Variants in PLCE1 observed in about 807,000 individuals in gnomAD.
PLCE1 encodes 1-phosphatidylinositol 4,5-bisphosphate phosphodiesterase epsilon-1.
Under a neutral mutation model 242.8 loss-of-function variants are expected in PLCE1, and 119 were observed. That is an observed-to-expected ratio of 0.49 (90% CI 0.42 to 0.57). The LOEUF (loss-of-function observed/expected upper bound fraction) is 0.57. Ranked by LOEUF, PLCE1 falls within the 20% of genes least tolerant of loss-of-function variation. The pLI, the probability that PLCE1 is intolerant of heterozygous loss-of-function variation, is 0.00. For missense variants in PLCE1, 2,441 were observed against 2,788.8 expected, an observed-to-expected ratio of 0.88 and a Z score of 2.81; for synonymous variants, 945 against 1,017.4, an observed-to-expected ratio of 0.93 and a Z score of 1.35.
intron 1 of PLCE1, among the ~76,000 whole-genome samples, chr10:94,021,273 G>A (rs987562804): frequency 1.5e-4 from 16 of 107,266 alleles, no homozygotes; most frequent in Admixed American, 1.3e-3. Context: ...TTTAAATTTT[G>A]ATTAAGTTCA....
At chr10:94,156,223 C>G (rs556242321) in intron 3 of PLCE1, among the ~76,000 whole-genome samples, 1 of 152,260 alleles carries the variant, frequency 6.6e-6, no homozygotes, top group South Asian at 2.1e-4. Flanking sequence ...ACCAACTGGG[C>G]GTCTTATAAC....
At chr10:94,137,481 GAC>G (rs869230103) in intron 3 of PLCE1, among the ~76,000 whole-genome samples, 4 of 119,150 alleles carry the variant, frequency 3.4e-5, no homozygotes, top group East Asian at 2.2e-4. Context: ...ATAAAGTGAT[GAC>G]AAGAGGATTT....
At chr10:94,028,591 T>G (rs1467941719) in intron 1 of PLCE1, among the ~76,000 whole-genome samples, 1 of 152,118 alleles carries the variant, frequency 6.6e-6, no homozygotes, top group Non-Finnish European at 1.5e-5. Flanking sequence ...ATCAAAGAAT[T>G]TGTGGACATA....
chr10:94,281,369 G>C (rs1266742345), intron 20 of PLCE1, among the ~76,000 whole-genome samples: 1 of 152,042 alleles, frequency 6.6e-6, no homozygotes, highest in African/African-American at 2.4e-5. Context: ...TTATTATACT[G>C]TAGATTTCAC....
In PLCE1 at chr10:94,236,062, A is replaced by G. The variant is rs747879044; in HGVS notation, c.2362A>G (p.Ser788Gly). 24 of 1,614,018 alleles carry G rather than the reference A, an allele frequency of 1.5e-5. No individual in the cohort carries two copies. Among genetic ancestry groups the G allele is most frequent in the Admixed American group, 6.7e-5 (4 of 60,010 alleles). ...AAGTCTGGAGACAGACGAGGAGGAC[A>G]GCCCCAGTGAAGGAAACAGCTCCAG... Reference protein sequence around the residue: ...NRSLETDEEDSPSEGNSSRKS... With the variant: ...NRSLETDEEDGPSEGNSSRKS... Residue 788 changes from serine to glycine, a missense_variant, in exon 7 of 33, where the codon AGC becomes GGC. Ser to Gly is a moderately conservative substitution (Grantham distance 56). This residue lies in a region of PLCE1 where 733 missense variants were observed against 754.2 expected (regional missense o/e 0.97). Transcript: ENST00000371380.
intron 4 of PLCE1, among the ~76,000 whole-genome samples, chr10:94,205,151 C>A (rs2049116794): frequency 1.3e-5 from 2 of 152,206 alleles, no homozygotes; most frequent in African/African-American, 4.8e-5. Flanking sequence ...AGATTCCTTA[C>A]ACGTCCTTTA....
chr10:94,107,780 G>A (rs1431484648), intron 2 of PLCE1: 1 of 152,168 alleles, frequency 6.6e-6, no homozygotes, highest in East Asian at 1.9e-4. Context: ...GAGCAGAAGA[G>A]AGGACATTCA....
intron 4 of PLCE1, among the ~76,000 whole-genome samples, chr10:94,176,944 G>T (rs1055264568): frequency 1.3e-5 from 2 of 152,104 alleles, no homozygotes; most frequent in African/African-American, 4.8e-5. Flanking sequence ...AATAGAGGGG[G>T]AAGTTCATGG....
intron 1 of PLCE1, among the ~76,000 whole-genome samples, chr10:94,026,382 C>T (rs2061453267): frequency 1.3e-5 from 2 of 152,080 alleles, no homozygotes; most frequent in East Asian, 1.9e-4. Context: ...CCCACACAAC[C>T]TTTGACCTCT....
At chr10:94,144,717 G>T (rs1218993588) in intron 3 of PLCE1, among the ~76,000 whole-genome samples, 1 of 152,124 alleles carries the variant, frequency 6.6e-6, no homozygotes, top group South Asian at 2.1e-4. Flanking sequence ...TATGTGCAAA[G>T]GCCCAGTGGC....
intron 2 of PLCE1, among the ~76,000 whole-genome samples, chr10:94,124,762 T>A (rs2046393144): frequency 6.6e-6 from 1 of 152,220 alleles, no homozygotes; most frequent in Admixed American, 6.5e-5. Context: ...AATGATCAAT[T>A]TCATGAAAAA....
chr10:94,028,809 C>T (rs1051187525), intron 1 of PLCE1, among the ~76,000 whole-genome samples: 5 of 151,988 alleles, frequency 3.3e-5, no homozygotes, highest in African/African-American at 7.2e-5. Flanking sequence ...ATTAGCCAAG[C>T]GCAGTGCTAT....
rs141487080 is a variant in PLCE1 at position 94,166,070 on chromosome 10, C to T, written c.1493-5110C>T. Among the ~76,000 whole-genome samples, 92 of 152,290 alleles carry T rather than the reference C, an allele frequency of 6.0e-4. 1 individual carries two copies. The highest frequency in any genetic ancestry group is 2.1e-3 in the African/African-American group (87 of 41,556). On this transcript the variant is annotated intron_variant, in intron 3 of 32. Coordinates refer to ENST00000371380, the MANE Select transcript of PLCE1 (RefSeq NM_016341.4). ...TACAAAAAAGTTGAGCAAAACAGAA[C>T]TGTGTAAGTTATACACTATTATTTG...
At chr10:94,024,399 T>C (rs1474575948) in intron 1 of PLCE1, among the ~76,000 whole-genome samples, 1 of 152,194 alleles carries the variant, frequency 6.6e-6, no homozygotes, top group Non-Finnish European at 1.5e-5. Flanking sequence ...TTGGATGAAA[T>C]GTTCTTCTGA....
Position 94,285,323 on chromosome 10 carries a change from C to T in PLCE1, c.5035+358C>T, listed in dbSNP as rs564354661. Among the ~76,000 whole-genome samples, 14 of 152,190 alleles carry T rather than the reference C, an allele frequency of 9.2e-5. No individual in the cohort carries two copies. The East Asian group carries it at 1.2e-3, about 13-fold the overall frequency. On this transcript the variant is annotated intron_variant, in intron 22 of 32. Transcript: ENST00000371380. The stretch of plus-strand genomic sequence containing the variant: ...GTTCATAATGATTCTACAAGGTAGG[C>T]GGTATTATCTCCATTTTAAAATAAA...
intron 2 of PLCE1, among the ~76,000 whole-genome samples, chr10:94,059,385 T>A (rs1308172964): frequency 6.6e-6 from 1 of 152,154 alleles, no homozygotes; most frequent in African/African-American, 2.4e-5. Context: ...GAAGGGTTAT[T>A]GGAACATGAT....
intron 30 of PLCE1, among the ~76,000 whole-genome samples, chr10:94,323,969 G>C (rs2133901186): frequency 6.6e-6 from 1 of 152,356 alleles, no homozygotes; most frequent in South Asian, 2.1e-4. Flanking sequence ...TGAAGAGCAA[G>C]ATTCTATTCC....
intron 1 of PLCE1, among the ~76,000 whole-genome samples, chr10:94,026,560 A>T (rs1382719985): frequency 2.6e-5 from 4 of 152,138 alleles, no homozygotes; most frequent in African/African-American, 9.7e-5. Context: ...TCTAAATCTA[A>T]CCTAACCTAG....
intron 3 of PLCE1, among the ~76,000 whole-genome samples, chr10:94,142,360 A>AAG (rs1379237426): frequency 1.3e-5 from 2 of 151,108 alleles, no homozygotes; most frequent in African/African-American, 4.9e-5. Context: ...CAAAAAAAAA[A>AAG]AAAAAAAAGC....
Sources: gnomAD v4.1 joint callset for allele counts (sites outside exome capture counted in the v4.1 genomes callset) on GRCh38, gnomAD v4.1.1 for gene constraint, gnomAD v4.1.1 regional missense constraint, MANE v1.5 for transcripts, NCBI Gene and HGNC (gene_info 2026-07-23, HGNC 2026-07-21) for gene names.